NCOR1: variants seen among roughly 807,000 people sequenced by gnomAD.
The protein encoded by NCOR1 is protein phosphatase 1, regulatory subunit 109.
Under a neutral mutation model 288.1 loss-of-function variants are expected in NCOR1, and 63 were observed. The ratio of observed to expected loss-of-function variants is 0.22; its 90% CI spans 0.18 to 0.27. The LOEUF (loss-of-function observed/expected upper bound fraction) is 0.27, where lower values mean the gene tolerates loss of function less well. Ranked by LOEUF, NCOR1 falls within the 10% of genes least tolerant of loss-of-function variation. NCOR1 has a pLI of 1.00. For synonymous variants in NCOR1, 1,007 were observed against 1,065.9 expected, an observed-to-expected ratio of 0.94 and a Z score of 1.08; for missense variants, 2,397 against 3,019.2, an observed-to-expected ratio of 0.79 and a Z score of 4.83.
intron 6 of NCOR1, among the ~76,000 whole-genome samples, chr17:16,153,726 A>G (rs1189307444): frequency 6.6e-6 from 1 of 152,200 alleles, no homozygotes. Context: ...AACTGGAGAG[A>G]GGGAATGAAA....
In NCOR1 at chr17:16,208,432, T is replaced by G. The variant is rs186925710; in HGVS notation, c.-71+6930A>C. 1.5e-4 allele frequency among the ~76,000 whole-genome samples: 23 copies of G among 152,146 alleles called. 1 individual carries two copies. Among genetic ancestry groups the G allele is most frequent in the African/African-American group, 5.5e-4 (23 of 41,528 alleles). On this transcript the variant is annotated intron_variant, in intron 1 of 45. Coordinates refer to ENST00000268712, the MANE Select transcript of NCOR1 (RefSeq NM_006311.4). ...TCCAAAATTCCCTGCATATAAAAAT[T>G]AAAACATTATTGCATTCTAATATTA...
At chr17:16,171,699 TAG>T (rs2083167532) in intron 4 of NCOR1, 102 bp downstream of exon 4, 7 of 1,087,384 alleles carry the variant, frequency 6.4e-6, no homozygotes, top group Non-Finnish European at 8.7e-6. Context: ...CACTAACCTT[TAG>T]AGACTGGTGT....
rs1318269330 is a variant in NCOR1, at chr17:16,101,344, T to C, written c.2596A>G (p.Ile866Val). ...RDEDLVVAQQ[I>V]NAQRPEPQSD... ...TGGGGCTCGGGCCTTTGGGCATTTA[T>C]TTGCTGAGCTACCACCAAATCTTCA... The change falls in exon 20 of 46, where the codon ATA (isoleucine) becomes GTA (valine). Residue 866 changes from isoleucine to valine, a missense_variant. This residue lies in a region of NCOR1 where 1,872 missense variants were observed against 2,187.8 expected (regional missense o/e 0.86). Coordinates refer to ENST00000268712, the MANE Select transcript of NCOR1 (RefSeq NM_006311.4). 1.6e-5 allele frequency: 26 copies of C among 1,614,070 alleles called. No homozygotes were observed. The Admixed American group carries it at 4.0e-4, about 25-fold the overall frequency.
At chr17:16,070,121 A>T (rs73981435) in intron 31 of NCOR1, 44 bp downstream of exon 31, 21,593 of 1,363,630 alleles carry the variant, frequency 0.016, 121 homozygotes, top group African/African-American at 0.054. Context: ...TTTTTTTTTT[A>T]AATGCAATAA....
chr17:16,039,411 A>G (rs112993665), intron 44 of NCOR1, 22 bp downstream of exon 44: 11 of 1,604,292 alleles, frequency 6.9e-6, no homozygotes, highest in African/African-American at 4.0e-5. Context: ...GCAGCAGAAA[A>G]GCACTAAAAT....
chr17:16,187,812 C>T (rs1474890021), intron 2 of NCOR1, among the ~76,000 whole-genome samples: 1 of 150,898 alleles, frequency 6.6e-6, no homozygotes, highest in Non-Finnish European at 1.5e-5. Flanking sequence ...AGGTGGGAGG[C>T]TTGCTTGAGC....
chr17:16,155,477 T>C (rs1015919386), intron 6 of NCOR1, among the ~76,000 whole-genome samples: 2 of 152,126 alleles, frequency 1.3e-5, no homozygotes, highest in African/African-American at 2.4e-5. Context: ...AATTAGAATA[T>C]TTACAAATAT....
intron 2 of NCOR1, among the ~76,000 whole-genome samples, chr17:16,187,204 T>G (rs527749696): frequency 7.3e-4 from 110 of 151,486 alleles, no homozygotes; most frequent in Non-Finnish European, 1.4e-3. Context: ...GTTGTTGTTT[T>G]TTTTTTTTTG....
At chr17:16,191,450 A>C (rs376951684) in intron 2 of NCOR1, among the ~76,000 whole-genome samples, 13 of 152,290 alleles carry the variant, frequency 8.5e-5, no homozygotes, top group African/African-American at 3.1e-4. Flanking sequence ...AAAGTATGAA[A>C]CTCACAATGT....
chr17:16,164,734 GAAAA>G, intron 5 of NCOR1: 1 of 240,492 alleles, frequency 4.2e-6, no homozygotes, highest in African/African-American at 2.4e-5. Context: ...GTATGGAATA[GAAAA>G]AAAAAAATCA....
chr17:16,046,761 C>T (rs540450706), intron 42 of NCOR1, 190 bp downstream of exon 42: 12 of 557,790 alleles, frequency 2.2e-5, no homozygotes, highest in South Asian at 1.1e-4. Flanking sequence ...CAGAAAGGAG[C>T]GAACTCCTGC....
At chr17:16,123,132 T>C (rs1434461382) in intron 15 of NCOR1, among the ~76,000 whole-genome samples, 1 of 152,108 alleles carries the variant, frequency 6.6e-6, no homozygotes, top group Non-Finnish European at 1.5e-5. Flanking sequence ...ACTGAACATA[T>C]CCAAAATCAT....
At chr17:16,077,078 G>C (rs1008127136) in intron 26 of NCOR1, among the ~76,000 whole-genome samples, 1 of 152,068 alleles carries the variant, frequency 6.6e-6, no homozygotes, top group East Asian at 2.0e-4. Flanking sequence ...ACTTTATGCA[G>C]GGAAAATTCT....
At chr17:16,102,547 G>A (rs2067827382) in intron 19 of NCOR1, among the ~76,000 whole-genome samples, 1 of 151,072 alleles carries the variant, frequency 6.6e-6, no homozygotes, top group Non-Finnish European at 1.5e-5. Flanking sequence ...CCTTTTTTTG[G>A]GTACTAAATC....
intron 2 of NCOR1, chr17:16,192,085 A>G (rs2088516367): frequency 6.6e-6 from 1 of 151,378 alleles, no homozygotes; most frequent in Non-Finnish European, 1.5e-5. Flanking sequence ...GCTGACCAGT[A>G]GTGGGAATGC....
intron 21 of NCOR1, among the ~76,000 whole-genome samples, chr17:16,096,528 T>A (rs2066649597): frequency 1.3e-5 from 2 of 152,236 alleles, no homozygotes; most frequent in South Asian, 4.1e-4. Flanking sequence ...ATTACATGCT[T>A]AATGCTACTA....
chr17:16,122,700 G>C (rs983173778), intron 15 of NCOR1: 1 of 152,246 alleles, frequency 6.6e-6, no homozygotes, highest in African/African-American at 2.4e-5. Flanking sequence ...GCAGTGGCGC[G>C]AACACAGCTC....
intron 14 of NCOR1, among the ~76,000 whole-genome samples, chr17:16,127,671 A>G (rs1451586927): frequency 6.9e-6 from 1 of 145,456 alleles, no homozygotes; most frequent in African/African-American, 2.6e-5. Flanking sequence ...ATATATGTAT[A>G]TATGTGTATG....
At chr17:16,056,041 TTTTGTATGTA>T (rs1237629817) in intron 40 of NCOR1, among the ~76,000 whole-genome samples, 1 of 152,222 alleles carries the variant, frequency 6.6e-6, no homozygotes, top group Non-Finnish European at 1.5e-5. Flanking sequence ...TTCTCTCTAC[TTTTGTATGTA>T]TTTGAAAACT....
Sources: gnomAD v4.1 joint callset for allele counts (sites outside exome capture counted in the v4.1 genomes callset) on GRCh38, gnomAD v4.1.1 for gene constraint, gnomAD v4.1.1 regional missense constraint, MANE v1.5 for transcripts, NCBI Gene and HGNC (gene_info 2026-07-23, HGNC 2026-07-21) for gene names.